The following EFNA5 variants were observed in gnomAD, a reference collection of about 807,000 sequenced individuals.
The protein encoded by EFNA5 is ephrin A5, also known as ephrin-A5.
EFNA5 carries 5 observed loss-of-function variants against 22.9 expected under a neutral mutation model. That is an observed-to-expected ratio of 0.22 (90% CI 0.11 to 0.46). The LOEUF is 0.46. Among genes scored for constraint, EFNA5 ranks in the 20% least tolerant of loss-of-function variants. EFNA5 has a pLI of 0.99. For missense variants in EFNA5, 237 were observed against 293.3 expected (o/e 0.81, Z 1.40); for synonymous variants, 113 against 112.2 (o/e 1.01, Z -0.04).
chr5:107,615,666 C>T (rs1327366319), intron 1 of EFNA5, among the ~76,000 whole-genome samples: 1 of 152,088 alleles, frequency 6.6e-6, no homozygotes, highest in East Asian at 1.9e-4. Context: ...GACCAAAAAA[C>T]AAACAAACAA....
At position 107,482,814 on chromosome 5, in the gene EFNA5, GTCTCTCTCTCTGTCTCTGTC is replaced by G. The variant is rs1158831605; in HGVS notation, c.126-55325_126-55306del. ...TTGGCTGCTCTCTCTCTCTCTCTCT[GTCTCTCTCTCTGTCTCTGTC>G]TCTCTCTCTCTCTCTCTCTCTCTCT... On this transcript the variant is annotated intron_variant, in intron 1 of 4. Coordinates refer to ENST00000333274, the MANE Select transcript of EFNA5 (RefSeq NM_001962.3). Among the ~76,000 whole-genome samples, 573 of 73,122 alleles carry G rather than the reference GTCTCTCTCTCTGTCTCTGTC, an allele frequency of 7.8e-3. 8 individuals carry two copies. The highest frequency in any genetic ancestry group is 0.021 in the African/African-American group (529 of 24,642). The allele number at this position is 73,122 out of a possible 152,430, so 48.0% of individuals were successfully genotyped here.
chr5:107,603,402 G>T (rs1580554747), intron 1 of EFNA5, among the ~76,000 whole-genome samples: 1 of 152,094 alleles, frequency 6.6e-6, no homozygotes, highest in Admixed American at 6.6e-5. Flanking sequence ...TAAGTGACAG[G>T]ATAAATCACT....
intron 1 of EFNA5, among the ~76,000 whole-genome samples, chr5:107,652,920 TATA>T (rs1750760663): frequency 6.6e-6 from 1 of 152,152 alleles, no homozygotes; most frequent in African/African-American, 2.4e-5. Flanking sequence ...AAATTTTTCA[TATA>T]ATAAGAACAT....
chr5:107,558,950 T>C (rs1742053801), intron 1 of EFNA5, among the ~76,000 whole-genome samples: 1 of 152,224 alleles, frequency 6.6e-6, no homozygotes, highest in Non-Finnish European at 1.5e-5. Flanking sequence ...TCTTTTCTTA[T>C]ATATGTTCTG....
chr5:107,499,850 AG>A (rs1398581232), intron 1 of EFNA5, among the ~76,000 whole-genome samples: 2 of 152,346 alleles, frequency 1.3e-5, no homozygotes, highest in African/African-American at 4.8e-5. Context: ...TAAATGCATC[AG>A]GTGCAAATTA....
At chr5:107,450,735 G>A (rs769106224) in intron 1 of EFNA5, among the ~76,000 whole-genome samples, 1 of 152,200 alleles carries the variant, frequency 6.6e-6, no homozygotes, top group South Asian at 2.1e-4. Flanking sequence ...CGCTGGGGGT[G>A]TTTAGAATTC....
intron 2 of EFNA5, among the ~76,000 whole-genome samples, chr5:107,416,526 T>G (rs1290273872): frequency 2.0e-5 from 3 of 152,086 alleles, no homozygotes; most frequent in African/African-American, 7.2e-5. Context: ...TTCAACAATT[T>G]AAAACAGATA....
chr5:107,470,662 T>G (rs1240784633), intron 1 of EFNA5, among the ~76,000 whole-genome samples: 2 of 152,222 alleles, frequency 1.3e-5, no homozygotes, highest in Non-Finnish European at 2.9e-5. Context: ...TCATAAATTC[T>G]TCTCCCCTTT....
chr5:107,642,842 A>T (rs1476451154), intron 1 of EFNA5, among the ~76,000 whole-genome samples: 2 of 151,668 alleles, frequency 1.3e-5, no homozygotes, highest in Non-Finnish European at 2.9e-5. Flanking sequence ...GGTGGAGAGT[A>T]GGAAGAAGAA....
At chr5:107,618,108 C>T (rs918534380) in intron 1 of EFNA5, among the ~76,000 whole-genome samples, 3 of 152,076 alleles carry the variant, frequency 2.0e-5, no homozygotes, top group African/African-American at 7.2e-5. Flanking sequence ...CTACTATGTA[C>T]CATGCCCATT....
Position 107,385,421 on chromosome 5 carries a change from C to T in EFNA5, c.565+1814G>A, listed in dbSNP as rs146689797. On this transcript the variant is annotated intron_variant, in intron 4 of 4. Coordinates refer to ENST00000333274, the MANE Select transcript of EFNA5 (RefSeq NM_001962.3). ...AAAAACCATGGGAAAGATATGCCTA[C>T]ATTCTGCACAATGTGTATCAAGAGA... 2.1e-4 allele frequency among the ~76,000 whole-genome samples: 32 copies of T among 152,306 alleles called. No homozygotes were observed. The East Asian group carries it at 6.2e-3, about 29-fold the overall frequency.
chr5:107,471,137 A>G (rs1444835107), intron 1 of EFNA5, among the ~76,000 whole-genome samples: 3 of 152,132 alleles, frequency 2.0e-5, no homozygotes, highest in African/African-American at 7.2e-5. Flanking sequence ...GTGACTCCCT[A>G]TTCTGTAAAA....
intron 1 of EFNA5, among the ~76,000 whole-genome samples, chr5:107,632,686 TTTG>T (rs1399989874): frequency 3.9e-5 from 6 of 152,160 alleles, no homozygotes; most frequent in African/African-American, 1.4e-4. Flanking sequence ...CCAGAGAAAT[TTTG>T]TTTTCTCCCA....
At chr5:107,383,940 C>A (rs1225842818) in intron 4 of EFNA5, among the ~76,000 whole-genome samples, 1 of 152,200 alleles carries the variant, frequency 6.6e-6, no homozygotes, top group South Asian at 2.1e-4. Context: ...GAATATATAT[C>A]TTCCTGCCCC....
At chr5:107,393,308 G>A (rs992026354) in intron 2 of EFNA5, among the ~76,000 whole-genome samples, 4 of 152,170 alleles carry the variant, frequency 2.6e-5, no homozygotes, top group African/African-American at 7.2e-5. Context: ...CAACTCAAAA[G>A]TTCCCTAATC....
chr5:107,571,531 G>A (rs1580536486), intron 1 of EFNA5, among the ~76,000 whole-genome samples: 1 of 142,570 alleles, frequency 7.0e-6, no homozygotes, highest in African/African-American at 2.6e-5. Context: ...ATTACCAAGG[G>A]TCATCCTCTT....
At chr5:107,398,816 C>T (rs1748000748) in intron 2 of EFNA5, among the ~76,000 whole-genome samples, 1 of 145,288 alleles carries the variant, frequency 6.9e-6, no homozygotes, top group Admixed American at 7.0e-5. Flanking sequence ...GTCTGTACCA[C>T]TGCACTCCAG....
chr5:107,653,766 A>C (rs1165101337), intron 1 of EFNA5, among the ~76,000 whole-genome samples: 1 of 152,122 alleles, frequency 6.6e-6, no homozygotes, highest in Non-Finnish European at 1.5e-5. Flanking sequence ...GTCTTCCAAC[A>C]CTGATTATTG....
Position 107,610,151 on chromosome 5 carries a change from T to C in EFNA5, c.125+60338A>G, listed in dbSNP as rs368622838. Among the ~76,000 whole-genome samples, 13 of 152,354 alleles carry C rather than the reference T, an allele frequency of 8.5e-5. 1 individual carries two copies. In the South Asian group the frequency reaches 2.7e-3, roughly 32 times the overall value. ...TTCAAAGGAACACAAAGCAGTATAG[T>C]AGAGCTGCCTTCTTTCAAAGGGGCC... On this transcript the variant is annotated intron_variant, in intron 1 of 4. Coordinates refer to ENST00000333274, the MANE Select transcript of EFNA5 (RefSeq NM_001962.3).
Sources: gnomAD v4.1 joint callset for allele counts (sites outside exome capture counted in the v4.1 genomes callset) on GRCh38, gnomAD v4.1.1 for gene constraint, MANE v1.5 for transcripts, NCBI Gene and HGNC (gene_info 2026-07-23, HGNC 2026-07-21) for gene names.